The following PDE4DIP variants were observed in gnomAD, a reference collection of about 807,000 sequenced individuals.
PDE4DIP encodes the protein phosphodiesterase 4D interacting protein, also known as myomegalin.
Under a neutral mutation model 221.4 loss-of-function variants are expected in PDE4DIP, and 59 were observed. That is an observed-to-expected ratio of 0.27 (90% CI 0.22 to 0.33). The LOEUF is 0.33. Ranked by LOEUF, PDE4DIP falls within the 10% of genes least tolerant of loss-of-function variation. The probability of loss-of-function intolerance (pLI) is 1.00; values close to 1 mark genes in which losing one functional copy is unlikely to be tolerated. For synonymous variants in PDE4DIP, 404 were observed against 815.9 expected (o/e 0.50, Z 8.60); for missense variants, 1,036 against 2,154.2 (o/e 0.48, Z 10.28).
chr1:149,029,089 T>G (rs142768658), intron 41 of PDE4DIP, among the ~76,000 whole-genome samples: 2 of 152,202 alleles, frequency 1.3e-5, no homozygotes, highest in East Asian at 3.8e-4. Context: ...GTCCCATGGT[T>G]AAATGATCAC....
intron 19 of PDE4DIP, 111 bp from the exon 23 acceptor site, chr1:148,979,626 A>G: frequency 1.1e-6 from 1 of 888,464 alleles, no homozygotes; most frequent in Non-Finnish European, 1.8e-6. Flanking sequence ...AAGCTTAAGT[A>G]CTAAGATAGT....
In PDE4DIP at chr1:149,031,881, A is replaced by G. The variant is rs587645435; in HGVS notation, c.7000-63A>G. On this transcript the variant is annotated intron_variant, in intron 43 of 43. Transcript: ENST00000369354. ...ACCACGTAGCTCTCACTCCAGCTTC[A>G]GGTAGCCATCAGTAGGGCCTGGCAA... 166 of 1,519,820 alleles carry G rather than the reference A, an allele frequency of 1.1e-4. No individual in the cohort carries two copies. The East Asian group carries it at 3.2e-3, about 30-fold the overall frequency. 94.1% of individuals were successfully genotyped at this position (1,519,820 alleles called of 1,614,324 possible).
chr1:148,827,770 G>A (rs1361784315), intron 1 of PDE4DIP, among the ~76,000 whole-genome samples: 1 of 103,690 alleles, frequency 9.6e-6, no homozygotes, highest in African/African-American at 3.0e-5. Flanking sequence ...AATCTATGAA[G>A]CAATTGAAAG....
intron 1 of PDE4DIP, among the ~76,000 whole-genome samples, chr1:148,911,979 G>C (rs2042847835): frequency 6.8e-6 from 1 of 147,150 alleles, no homozygotes. Flanking sequence ...CTATTGGTTA[G>C]AAATAAGTCG....
At chr1:149,025,378 T>C (rs75293372) in intron 38 of PDE4DIP, among the ~76,000 whole-genome samples, 15 of 151,862 alleles carry the variant, frequency 9.9e-5, no homozygotes, top group East Asian at 4.0e-4. Flanking sequence ...TTCCTGCCCC[T>C]AAGGAAACAG....
At chr1:148,930,366 A>T (rs1263688197) in intron 2 of PDE4DIP, 1 of 151,786 alleles carries the variant, frequency 6.6e-6, no homozygotes, top group Non-Finnish European at 1.5e-5. Context: ...GAAAAAAAAA[A>T]ATTAGCCGGG....
intron 37 of PDE4DIP, among the ~76,000 whole-genome samples, chr1:149,023,959 A>T (rs1441784455): frequency 2.0e-5 from 3 of 151,678 alleles, no homozygotes; most frequent in Non-Finnish European, 2.9e-5. Flanking sequence ...AAAGAGAGAG[A>T]GAGAAATTGA....
At chr1:148,952,022 C>G in intron 5 of PDE4DIP, 1 of 1,003,506 alleles carries the variant, frequency 1.0e-6, no homozygotes, top group Non-Finnish European at 1.2e-6. Context: ...CGGCGCTGCC[C>G]CGCTGGCAGC....
chr1:148,967,624 A>C (rs1553519965), intron 12 of PDE4DIP, 102 bp from the exon 16 acceptor site: 1 of 601,196 alleles, frequency 1.7e-6, no homozygotes, highest in African/African-American at 1.8e-5. Context: ...AAATAAAAAA[A>C]AATTGATGGG....
intron 22 of PDE4DIP, among the ~76,000 whole-genome samples, chr1:148,997,815 A>G (rs587618455): frequency 6.6e-6 from 1 of 152,302 alleles, no homozygotes; most frequent in African/African-American, 2.4e-5. Context: ...AGGAAGAGAA[A>G]GAATCACCGT....
At chr1:148,964,335 C>G (rs587605539) in intron 9 of PDE4DIP, among the ~76,000 whole-genome samples, 1 of 151,910 alleles carries the variant, frequency 6.6e-6, no homozygotes, top group Admixed American at 6.6e-5. Context: ...CTCAAACTCC[C>G]GACCTCTGGT....
intron 4 of PDE4DIP, among the ~76,000 whole-genome samples, chr1:148,933,062 A>G (rs1266480284): frequency 6.6e-6 from 1 of 152,182 alleles, no homozygotes; most frequent in Non-Finnish European, 1.5e-5. Flanking sequence ...TGTGAGAAAT[A>G]CATTTCCGTT....
At chr1:148,994,431 A>AC (rs1163006531) in intron 22 of PDE4DIP, among the ~76,000 whole-genome samples, 2 of 143,352 alleles carry the variant, frequency 1.4e-5, no homozygotes, top group African/African-American at 2.6e-5. Context: ...ACATAATGAG[A>AC]CCCCTACCTC....
chr1:148,933,702 T>C (rs1436244126), intron 4 of PDE4DIP, among the ~76,000 whole-genome samples: 1 of 152,106 alleles, frequency 6.6e-6, no homozygotes, highest in Admixed American at 6.6e-5. Context: ...AAGACATAAA[T>C]TTAATCGCAC....
intron 1 of PDE4DIP, among the ~76,000 whole-genome samples, chr1:148,836,416 ATGCTGGGTG>A (rs2150049374): frequency 7.3e-6 from 1 of 137,446 alleles, no homozygotes; most frequent in South Asian, 2.5e-4. Context: ...CCTTTGGCTC[ATGCTGGGTG>A]CAGTGCACCC....
At chr1:148,906,948 C>T (rs1477671653) in intron 1 of PDE4DIP, among the ~76,000 whole-genome samples, 34 of 150,770 alleles carry the variant, frequency 2.3e-4, no homozygotes, top group East Asian at 3.9e-4. Flanking sequence ...ACTTGGGAAG[C>T]TGACACAGGA....
chr1:148,980,903 A>T (rs1488867391), intron 20 of PDE4DIP, among the ~76,000 whole-genome samples: 1 of 152,240 alleles, frequency 6.6e-6, no homozygotes, highest in Non-Finnish European at 1.5e-5. Context: ...GTCTTGCTCC[A>T]GTTTATATTT....
intron 3 of PDE4DIP, among the ~76,000 whole-genome samples, chr1:148,877,002 A>G (rs1382959026): frequency 2.8e-5 from 4 of 143,790 alleles, no homozygotes; most frequent in Non-Finnish European, 4.4e-5. Context: ...ACAGAGCTAG[A>G]CTCCGTCTCA....
At chr1:148,981,111 T>C (rs782501024) in intron 20 of PDE4DIP, among the ~76,000 whole-genome samples, 159 bp from the exon 24 acceptor site, 2 of 152,174 alleles carry the variant, frequency 1.3e-5, no homozygotes, top group African/African-American at 2.4e-5. Flanking sequence ...TGAACACAAA[T>C]GCCACACAAA....
Sources: allele counts gnomAD v4.1 joint callset (sites outside exome capture counted in the v4.1 genomes callset), GRCh38; gene constraint gnomAD v4.1.1; transcripts MANE v1.5; gene names NCBI Gene and HGNC (gene_info 2026-07-23, HGNC 2026-07-21).